The following BTBD8 variants were observed in gnomAD, a reference collection of about 807,000 sequenced individuals.
The protein encoded by BTBD8 is BTB domain containing 8.
A neutral mutation model predicts 162.9 loss-of-function variants in BTBD8; 110 were observed. The ratio of observed to expected loss-of-function variants is 0.68; its 90% CI spans 0.58 to 0.79. The LOEUF is 0.79. Ranked by LOEUF, BTBD8 falls within the 30% of genes least tolerant of loss-of-function variation. BTBD8 has a pLI of 0.00. For synonymous variants in BTBD8, 667 were observed against 716.1 expected, an observed-to-expected ratio of 0.93 and a Z score of 1.10; for missense variants, 1,905 against 2,085.4, an observed-to-expected ratio of 0.91 and a Z score of 1.68.
intron 4 of BTBD8, among the ~76,000 whole-genome samples, chr1:92,116,078 TC>T (rs1401644961): frequency 6.6e-6 from 1 of 152,108 alleles, no homozygotes; most frequent in Non-Finnish European, 1.5e-5. Context: ...TTTCTAATTT[TC>T]CTTTTGATTT....
intron 9 of BTBD8, among the ~76,000 whole-genome samples, chr1:92,161,897 A>G (rs1250687156): frequency 6.6e-6 from 1 of 152,210 alleles, no homozygotes; most frequent in African/African-American, 2.4e-5. Context: ...ACAGAAACAC[A>G]AGTTTCACAA....
chr1:92,085,685 A>C (rs1394927552), intron 1 of BTBD8, among the ~76,000 whole-genome samples: 2 of 152,250 alleles, frequency 1.3e-5, no homozygotes, highest in South Asian at 2.1e-4. Flanking sequence ...AGCCAAGATC[A>C]CGCAACTGCA....
At chr1:92,136,416 T>C (rs1184472982) in intron 5 of BTBD8, among the ~76,000 whole-genome samples, 1 of 152,170 alleles carries the variant, frequency 6.6e-6, no homozygotes, top group Non-Finnish European at 1.5e-5. Flanking sequence ...CTTCCTCATT[T>C]TGTTTCTTTA....
At chr1:92,126,443 A>G (rs1557448786) in intron 4 of BTBD8, 3 of 914,192 alleles carry the variant, frequency 3.3e-6, no homozygotes, top group Non-Finnish European at 1.7e-6. Flanking sequence ...CCAGCAGTAC[A>G]ACAGTTTTGT....
intron 3 of BTBD8, among the ~76,000 whole-genome samples, chr1:92,102,872 C>T (rs1237676982): frequency 1.3e-5 from 2 of 152,074 alleles, no homozygotes; most frequent in African/African-American, 4.8e-5. Flanking sequence ...CCATACATAA[C>T]TCACAATTCT....
At chr1:92,183,396 G>A (rs1415262353) in intron 17 of BTBD8, among the ~76,000 whole-genome samples, 3 of 151,988 alleles carry the variant, frequency 2.0e-5, no homozygotes, top group East Asian at 1.9e-4. Context: ...GTACTTTTTC[G>A]TTTGTTTGTC....
At chr1:92,174,480 A>G (rs1240245602) in intron 13 of BTBD8, among the ~76,000 whole-genome samples, 1 of 152,196 alleles carries the variant, frequency 6.6e-6, no homozygotes, top group Non-Finnish European at 1.5e-5. Flanking sequence ...GCTATACCAT[A>G]TACTATATAG....
chr1:92,101,929 C>G (rs1255035531), intron 2 of BTBD8, among the ~76,000 whole-genome samples: 1 of 152,158 alleles, frequency 6.6e-6, no homozygotes, highest in Non-Finnish European at 1.5e-5. Flanking sequence ...AACTCCTGAG[C>G]TCAAGCAATC....
intron 1 of BTBD8, among the ~76,000 whole-genome samples, chr1:92,081,737 C>T (rs1648021538): frequency 6.6e-6 from 1 of 152,174 alleles, no homozygotes; most frequent in African/African-American, 2.4e-5. Context: ...CCACGCCCGG[C>T]TAATTTTTGT....
At position 92,093,168 on chromosome 1, in the gene BTBD8, CATT is replaced by C. The variant is rs535499296; in HGVS notation, c.347+4274_347+4276del. The stretch of plus-strand genomic sequence containing the variant: ...TTCAGTACAGGTTATATAGGCTCAT[CATT>C]GAGTTTGAAATACCAATTTTTTTTT... On this transcript the variant is annotated intron_variant, in intron 2 of 17. Coordinates refer to ENST00000636805, the MANE Select transcript of BTBD8 (RefSeq NM_001376131.1). Among the ~76,000 whole-genome samples, 1,037 of 149,056 alleles carry C rather than the reference CATT, an allele frequency of 7.0e-3. 5 individuals are homozygous for C. The highest frequency in any genetic ancestry group is 0.011 in the Non-Finnish European group (723 of 67,494).
chr1:92,177,874 A>G lies in BTBD8; in HGVS notation c.2417A>G (p.Glu806Gly). Residue 806 changes from glutamate (E) to glycine (G), a missense_variant, in exon 15 of 18, where the codon GAA (glutamate) becomes GGA (glycine). By Grantham distance (98) the Glu-to-Gly change is moderately conservative. Coordinates refer to ENST00000636805, the MANE Select transcript of BTBD8 (RefSeq NM_001376131.1). Reference sequence around the variant, plus strand: ...ACTTCCAATAAAAAAAGTATTCATGAACAAGACACTAATGTAAATAACAGG... The same window carrying G: ...ACTTCCAATAAAAAAAGTATTCATGGACAAGACACTAATGTAAATAACAGG... ...NGTSNKKSIH[E>G]QDTNVNNSVL... 6.5e-7 allele frequency: 1 copy of G among 1,535,028 alleles called. No homozygotes were observed. Among genetic ancestry groups the G allele is most frequent in the Non-Finnish European group, 8.8e-7 (1 of 1,132,244 alleles).
intron 4 of BTBD8, among the ~76,000 whole-genome samples, 184 bp from the exon 5 acceptor site, chr1:92,129,499 CAAAA>C (rs371452583): frequency 1.4e-5 from 2 of 141,404 alleles, no homozygotes; most frequent in Non-Finnish European, 3.1e-5. Flanking sequence ...AAACAAAAAA[CAAAA>C]AAAAAACCCT....
At chr1:92,125,286 CAGAGAG>C (rs892028050) in intron 4 of BTBD8, 2 of 179,348 alleles carry the variant, frequency 1.1e-5, no homozygotes, top group African/African-American at 4.8e-5. Flanking sequence ...CTGAGACACT[CAGAGAG>C]AGACAGAACC....
At chr1:92,106,463 A>G (rs1648729594) in intron 3 of BTBD8, among the ~76,000 whole-genome samples, 1 of 151,792 alleles carries the variant, frequency 6.6e-6, no homozygotes, top group Non-Finnish European at 1.5e-5. Flanking sequence ...GATCGAGACC[A>G]TCCTGGCTAA....
chr1:92,135,771 G>A (rs1303563645), intron 5 of BTBD8, among the ~76,000 whole-genome samples: 2 of 152,026 alleles, frequency 1.3e-5, no homozygotes, highest in East Asian at 1.9e-4. Context: ...CAAATGTCTA[G>A]ATTTTGCTGT....
intron 9 of BTBD8, among the ~76,000 whole-genome samples, chr1:92,160,482 CAGG>C (rs1330048938): frequency 6.6e-6 from 1 of 152,094 alleles, no homozygotes; most frequent in Non-Finnish European, 1.5e-5. Context: ...TGGCCTCATA[CAGG>C]AGAAGACCCT....
chr1:92,169,800 C>A (rs769572080), intron 12 of BTBD8, among the ~76,000 whole-genome samples: 2 of 152,088 alleles, frequency 1.3e-5, no homozygotes, highest in African/African-American at 4.8e-5. Flanking sequence ...TATTTAAATT[C>A]TTTAGTGGTA....
intron 3 of BTBD8, among the ~76,000 whole-genome samples, chr1:92,105,849 G>T (rs576274723): frequency 7.2e-4 from 110 of 152,330 alleles, no homozygotes; most frequent in Non-Finnish European, 1.5e-3. Context: ...GAAATGGCTT[G>T]ATTGGTTATA....
chr1:92,119,632 CTTT>C (rs147430647), intron 4 of BTBD8, among the ~76,000 whole-genome samples: 1 of 141,956 alleles, frequency 7.0e-6, no homozygotes, highest in African/African-American at 2.6e-5. Flanking sequence ...TTTCTTTTTT[CTTT>C]TTTTTTTTTG....
Sources: gnomAD v4.1 joint callset for allele counts (sites outside exome capture counted in the v4.1 genomes callset) on GRCh38, gnomAD v4.1.1 for gene constraint, MANE v1.5 for transcripts, NCBI Gene and HGNC (gene_info 2026-07-23, HGNC 2026-07-21) for gene names.